Variants in RNGTT observed in about 807,000 individuals in gnomAD.
RNGTT encodes the protein RNA guanylyltransferase and 5'-phosphatase.
In RNGTT, 33 loss-of-function variants were observed where a neutral mutation model predicts 79.3. The ratio of observed to expected loss-of-function variants is 0.42; its 90% CI spans 0.32 to 0.56. The LOEUF is 0.56. RNGTT is among the 20% of genes least tolerant of loss of function. The pLI, the probability that RNGTT is intolerant of heterozygous loss-of-function variation, is 0.17. For missense variants in RNGTT, 497 were observed against 739.1 expected (o/e 0.67, Z 3.80); for synonymous variants, 222 against 235.9 (o/e 0.94, Z 0.54).
intron 2 of RNGTT, among the ~76,000 whole-genome samples, chr6:88,938,641 G>C (rs1784745905): frequency 6.6e-6 from 1 of 152,136 alleles, no homozygotes; most frequent in Non-Finnish European, 1.5e-5. Flanking sequence ...TTGTGGTTTG[G>C]TGGTATTGTG....
intron 11 of RNGTT, among the ~76,000 whole-genome samples, chr6:88,829,568 G>A (rs557927874): frequency 5.3e-5 from 8 of 152,006 alleles, no homozygotes; most frequent in African/African-American, 1.9e-4. Flanking sequence ...CCAAATAAAA[G>A]ACACAGACTG....
At chr6:88,657,028 T>C (rs748813297) in intron 14 of RNGTT, among the ~76,000 whole-genome samples, 2 of 152,116 alleles carry the variant, frequency 1.3e-5, no homozygotes, top group Admixed American at 6.5e-5. Flanking sequence ...ACAGGACTTA[T>C]GTGTATCTCC....
chr6:88,879,302 G>A (rs1362218355), intron 8 of RNGTT, among the ~76,000 whole-genome samples: 3 of 152,200 alleles, frequency 2.0e-5, no homozygotes, highest in Non-Finnish European at 4.4e-5. Flanking sequence ...GCTGAGGCAG[G>A]AGAATCACTT....
chr6:88,922,047 T>A (rs1173092430), intron 4 of RNGTT, among the ~76,000 whole-genome samples: 1 of 139,042 alleles, frequency 7.2e-6, no homozygotes, highest in Non-Finnish European at 1.5e-5. Flanking sequence ...ACCACATTAA[T>A]TTTTTTTTTG....
At chr6:88,643,137 T>TA (rs1455165019) in intron 14 of RNGTT, among the ~76,000 whole-genome samples, 1 of 152,070 alleles carries the variant, frequency 6.6e-6, no homozygotes, top group Admixed American at 6.6e-5. Flanking sequence ...TTAAGACACT[T>TA]ACATTAGCTT....
intron 2 of RNGTT, among the ~76,000 whole-genome samples, chr6:88,935,591 T>G (rs1562054963): frequency 6.6e-6 from 1 of 152,174 alleles, no homozygotes; most frequent in African/African-American, 2.4e-5. Context: ...TAGGAGTTTT[T>G]TCTATTTCTA....
chr6:88,672,440 G>A (rs1391114455), intron 14 of RNGTT, among the ~76,000 whole-genome samples: 1 of 152,100 alleles, frequency 6.6e-6, no homozygotes, highest in East Asian at 1.9e-4. Context: ...TATTCTAAGT[G>A]AAGTAACTCA....
rs148969626 is a variant in RNGTT, at chr6:88,778,644, T to C, written c.1339-8770A>G. On this transcript the variant is annotated intron_variant, in intron 12 of 15. Transcript: ENST00000369485. ...TAGCTGAGACGAAGGGTGCAATCCA[T>C]TGCACCCAGCTCAAACAGATTTTTA... Among the ~76,000 whole-genome samples the C allele has an allele frequency of 5.9e-3, 899 of 152,140 alleles. 16 individuals are homozygous for C. The highest frequency in any genetic ancestry group is 0.02 in the African/African-American group (819 of 41,524).
chr6:88,901,860 C>T (rs912047092), intron 6 of RNGTT, among the ~76,000 whole-genome samples: 1 of 152,218 alleles, frequency 6.6e-6, no homozygotes, highest in South Asian at 2.1e-4. Context: ...AAGACAATTT[C>T]ACACAAATAC....
At chr6:88,639,823 T>A (rs918198155) in intron 14 of RNGTT, among the ~76,000 whole-genome samples, 4 of 152,204 alleles carry the variant, frequency 2.6e-5, no homozygotes, top group African/African-American at 9.7e-5. Context: ...TACCTTCACA[T>A]GCATTAAGGA....
At chr6:88,831,900 T>C (rs1266969868) in intron 11 of RNGTT, among the ~76,000 whole-genome samples, 1 of 152,128 alleles carries the variant, frequency 6.6e-6, no homozygotes, top group Non-Finnish European at 1.5e-5. Context: ...AATGACCTCT[T>C]CAAGGAGAAC....
chr6:88,729,437 G>A (rs1777034924), intron 13 of RNGTT, among the ~76,000 whole-genome samples: 1 of 151,532 alleles, frequency 6.6e-6, no homozygotes, highest in Non-Finnish European at 1.5e-5. Context: ...CCCCTTATGG[G>A]TCTTTTGACT....
chr6:88,684,724 T>C (rs1438015228), intron 13 of RNGTT, among the ~76,000 whole-genome samples: 1 of 152,168 alleles, frequency 6.6e-6, no homozygotes, highest in Non-Finnish European at 1.5e-5. Flanking sequence ...ATATATGTCA[T>C]TATACATTTG....
intron 14 of RNGTT, among the ~76,000 whole-genome samples, chr6:88,650,381 C>T (rs2127777504): frequency 6.6e-6 from 1 of 152,194 alleles, no homozygotes; most frequent in South Asian, 2.1e-4. Context: ...CTACTCATTC[C>T]GAAACTTAAA....
intron 8 of RNGTT, among the ~76,000 whole-genome samples, chr6:88,875,176 C>T (rs934472386): frequency 2.7e-5 from 4 of 150,908 alleles, no homozygotes; most frequent in Non-Finnish European, 4.4e-5. Flanking sequence ...ATTACCATCA[C>T]AAAGCAATTT....
rs148989382 is a variant in RNGTT, at chr6:88,664,167, G to A, written c.1506+14186C>T. Among the ~76,000 whole-genome samples, 1,139 of 152,158 alleles carry A rather than the reference G, an allele frequency of 7.5e-3. 9 individuals are homozygous for A. Among genetic ancestry groups the A allele is most frequent in the Admixed American group, 0.011 (162 of 15,282 alleles). ...ACAGAGGGTATGCAAAGGCTAATGC[G>A]GTATAGGGAAGCACTCTTAGAAGGG... On this transcript the variant is annotated intron_variant, in intron 14 of 15. Transcript: ENST00000369485.
chr6:88,686,020 T>C (rs547394774), intron 13 of RNGTT, among the ~76,000 whole-genome samples: 2 of 151,278 alleles, frequency 1.3e-5, no homozygotes, highest in South Asian at 4.2e-4. Context: ...ATAATATATA[T>C]ACATATGTAT....
At chr6:88,811,851 T>C (rs978317524) in intron 11 of RNGTT, among the ~76,000 whole-genome samples, 4 of 152,192 alleles carry the variant, frequency 2.6e-5, no homozygotes, top group Non-Finnish European at 5.9e-5. Flanking sequence ...CTCAATATAG[T>C]AACTTCTATC....
intron 13 of RNGTT, among the ~76,000 whole-genome samples, chr6:88,724,284 A>G (rs1364848800): frequency 6.6e-6 from 1 of 152,188 alleles, no homozygotes; most frequent in Non-Finnish European, 1.5e-5. Context: ...AAGTTCTATT[A>G]GGTGCCTGAT....
Sources: gnomAD v4.1 joint callset for allele counts (sites outside exome capture counted in the v4.1 genomes callset) on GRCh38, gnomAD v4.1.1 for gene constraint, MANE v1.5 for transcripts, NCBI Gene and HGNC (gene_info 2026-07-23, HGNC 2026-07-21) for gene names.